ATG9A: variants seen among roughly 807,000 people sequenced by gnomAD.
ATG9A encodes autophagy-related protein 9A.
Under a neutral mutation model 87.1 loss-of-function variants are expected in ATG9A, and 21 were observed. The observed-to-expected ratio is 0.24, with a 90% CI of 0.17 to 0.35. The LOEUF is 0.35. Ranked by LOEUF, ATG9A falls within the 10% of genes least tolerant of loss-of-function variation. The pLI is 1.00. For missense variants in ATG9A, 836 were observed against 1,107.3 expected (o/e 0.76, Z 3.48); for synonymous variants, 422 against 441.3 (o/e 0.96, Z 0.55).
In ATG9A at chr2:219,223,289, C is replaced by T. The variant is rs573016817; in HGVS notation, c.1599+296G>A. On this transcript the variant is annotated intron_variant, in intron 10 of 15. Transcript: ENST00000361242. This position sits in a 1 kb window ranked among gnomAD's most constrained non-coding sequence, Gnocchi z 4.7. ...ATTTTTAGTAGAGAAGGGGTTTCACCGTGTTAGCCAGGATGGTCTCGATCT... is the reference window on the plus strand; with the variant it reads ...ATTTTTAGTAGAGAAGGGGTTTCACTGTGTTAGCCAGGATGGTCTCGATCT... Among the ~76,000 whole-genome samples the T allele has an allele frequency of 1.1e-4, 16 of 152,132 alleles. No homozygotes were observed. Among genetic ancestry groups the T allele is most frequent in the Admixed American group, 7.2e-4 (11 of 15,290 alleles).
At chr2:219,225,660 G>A (rs1009116880) in intron 5 of ATG9A, 88 bp from the exon 6 acceptor site, 29 of 1,430,270 alleles carry the variant, frequency 2.0e-5, no homozygotes, top group Non-Finnish European at 2.3e-5. Flanking sequence ...GGAGGTGGCA[G>A]AACAAGACTG....
chr2:219,227,673 G>A, intron 4 of ATG9A, 97 bp downstream of exon 4: 5 of 1,410,736 alleles, frequency 3.5e-6, no homozygotes, highest in Non-Finnish European at 3.9e-6. Context: ...CCCGTTTCCA[G>A]GTATTAGAGT....
rs2106440593 is a variant in ATG9A at position 219,223,880 on chromosome 2, G to C, written c.1408C>G (p.Gln470Glu). 6.2e-7 allele frequency: 1 copy of C among 1,614,180 alleles called. No individual in the cohort carries two copies. Among genetic ancestry groups the C allele is most frequent in the East Asian group, 2.2e-5 (1 of 44,876 alleles). ...CCAACTCCACTCACTGCCTTGTACT[G>C]GAAGAGCTGGGCAAACTCGTCCCGG... ...QTRDEFAQLF[Q>E]YKAVFILEEL... is the part of the protein sequence containing the mutation. Residue 470 changes from glutamine to glutamate, a missense_variant, in exon 9 of 16, where the codon CAG becomes GAG. Gln to Glu is a conservative substitution (Grantham distance 29, BLOSUM62 2). This residue lies in a region of ATG9A where 512 missense variants were observed against 759.6 expected (regional missense o/e 0.67). Transcript: ENST00000361242. This position sits in a 1 kb window ranked among gnomAD's most constrained non-coding sequence, Gnocchi z 4.7.
intron 13 of ATG9A, 139 bp from the exon 14 acceptor site, chr2:219,221,441 G>T: frequency 1.3e-6 from 1 of 744,728 alleles, no homozygotes; most frequent in Non-Finnish European, 2.1e-6. Context: ...TATGTTAATA[G>T]TGTGTAATAT....
chr2:219,223,952 G>A lies in ATG9A; in HGVS notation c.1336C>T (p.His446Tyr). The change falls in exon 9 of 16, where the codon CAC becomes TAC. Residue 446 changes from histidine to tyrosine, a missense_variant. Transcript: ENST00000361242. The surrounding 1 kb of genome is among the most constrained non-coding windows in gnomAD (Gnocchi z 4.7). ...QLLRVILAHI[H>Y]YMPDHWQGNA... ...CCCTGCCAGTGGTCAGGCATGTAGT[G>A]GATGTGAGCGAGGATCACGCGGAGC... is the stretch of plus-strand genomic sequence containing the variant. 1 of 1,614,198 alleles carries A rather than the reference G, an allele frequency of 6.2e-7. No homozygotes were observed. Among genetic ancestry groups the A allele is most frequent in the Non-Finnish European group, 8.5e-7 (1 of 1,180,030 alleles).
At chr2:219,225,325 A>G in intron 6 of ATG9A, 86 bp downstream of exon 6, 2 of 1,592,344 alleles carry the variant, frequency 1.3e-6, no homozygotes, top group East Asian at 2.2e-5. Flanking sequence ...GTTCTGGAGT[A>G]TGAGTTGCTG....
chr2:219,225,150 C>A lies in ATG9A; in HGVS notation c.437G>T (p.Arg146Leu). ...AATGTTATAGATGAACTTGATAAGC[C>A]GGTGGATCCAGAAGACACCAGCAAT... Reference protein sequence around the residue: ...LVIAGVFWIHRLIKFIYNICC... With the variant: ...LVIAGVFWIHLLIKFIYNICC... The change falls in exon 7 of 16, where the codon CGG becomes CTG. Residue 146 changes from arginine (R) to leucine (L), a missense_variant. Around this residue, in one of 2 missense-constraint regions of ATG9A, gnomAD observed 512 missense variants for 759.6 expected, o/e 0.67. Transcript: ENST00000361242. 1 of 1,614,064 alleles carries A rather than the reference C, an allele frequency of 6.2e-7. No individual in the cohort carries two copies. Among genetic ancestry groups the A allele is most frequent in the Non-Finnish European group, 8.5e-7 (1 of 1,180,008 alleles).
In ATG9A at chr2:219,225,168, C is replaced by A. The variant is rs1950836283; in HGVS notation, c.419G>T (p.Gly140Val). Reference protein sequence around the residue: ...GSLITILVIAGVFWIHRLIKF... With the variant: ...GSLITILVIAVVFWIHRLIKF... Reference sequence around the variant, plus strand: ...GATAAGCCGGTGGATCCAGAAGACACCAGCAATGACCAGGATGGTGATAAG... The same window carrying A: ...GATAAGCCGGTGGATCCAGAAGACAACAGCAATGACCAGGATGGTGATAAG... The change falls in exon 7 of 16, where the codon GGT becomes GTT. Residue 140 changes from glycine (G) to valine (V), a missense_variant. Around this residue, in one of 2 missense-constraint regions of ATG9A, gnomAD observed 512 missense variants for 759.6 expected, o/e 0.67. Transcript: ENST00000361242. 1 of 1,614,128 alleles carries A rather than the reference C, an allele frequency of 6.2e-7. No individual in the cohort carries two copies. Among genetic ancestry groups the A allele is most frequent in the South Asian group, 1.1e-5 (1 of 91,080 alleles).
In ATG9A at chr2:219,222,166, C is replaced by T; in HGVS notation, c.2029G>A (p.Val677Met). 1 of 1,613,822 alleles carries T rather than the reference C, an allele frequency of 6.2e-7. No individual in the cohort carries two copies. The highest frequency in any genetic ancestry group is 8.5e-7 in the Non-Finnish European group (1 of 1,179,926). Residue 677 changes from valine (V) to methionine (M), a missense_variant and splice_region_variant, in exon 13 of 16, where the codon GTG becomes ATG. Physicochemically the swap from Val to Met is conservative, Grantham distance 21. Transcript: ENST00000361242. This position sits in a 1 kb window ranked among gnomAD's most constrained non-coding sequence, Gnocchi z 4.3. Reference protein sequence around the residue: ...RAHSTMTGSGVDARTASSGSS... With the variant: ...RAHSTMTGSGMDARTASSGSS... ...CCGGAGCTGGCTGTCCTGGCATCCA[C>T]CCTGTCTCTCCCAACAGAGACAGAC...
rs1234444604 is a variant in ATG9A, at chr2:219,225,504, G to A, written c.281C>T (p.Ala94Val). The A allele has an allele frequency of 6.2e-7, 1 of 1,614,052 alleles. No individual in the cohort carries two copies. The highest frequency in any genetic ancestry group is 1.3e-5 in the African/African-American group (1 of 74,924). The stretch of plus-strand genomic sequence containing the variant: ...AAGACTGTGGTTCACCATCTTGTTG[G>A]CAAATAGGATGTCATAGTCCACGCA... ...VSCVDYDILFANKMVNHSLHP... is the reference protein window; with the variant it reads ...VSCVDYDILFVNKMVNHSLHP... Residue 94 changes from alanine to valine, a missense_variant, in exon 6 of 16, where the codon GCC becomes GTC. This residue lies in a region of ATG9A where 512 missense variants were observed against 759.6 expected (regional missense o/e 0.67). Transcript: ENST00000361242.
Position 219,222,666 on chromosome 2 carries a change from C to A in ATG9A, c.1827G>T (p.Gln609His). Reference protein sequence around the residue: ...LPENALFTSIQSLQSESEPLS... With the variant: ...LPENALFTSIHSLQSESEPLS... Reference sequence around the variant, plus strand: ...ACACCTCAGACTCAGATTGTAAGGACTGGATAGACGTAAAGAGGGCATTTT... The same window carrying A: ...ACACCTCAGACTCAGATTGTAAGGAATGGATAGACGTAAAGAGGGCATTTT... The change falls in exon 11 of 16, where the codon CAG (glutamine) becomes CAT (histidine). Residue 609 changes from glutamine to histidine, a missense_variant. This residue lies in a region of ATG9A where 324 missense variants were observed against 347.6 expected (regional missense o/e 0.93). Transcript: ENST00000361242. The surrounding 1 kb of genome is among the most constrained non-coding windows in gnomAD (Gnocchi z 4.3). 2 of 1,614,196 alleles carry A rather than the reference C, an allele frequency of 1.2e-6. No homozygotes were observed. The highest frequency in any genetic ancestry group is 1.1e-5 in the South Asian group (1 of 91,080).
rs184057259 is a variant in ATG9A at position 219,227,132 on chromosome 2, G to C, written c.148-199C>G. Among the ~76,000 whole-genome samples, 63 of 152,338 alleles carry C rather than the reference G, an allele frequency of 4.1e-4. 1 individual carries two copies. Among genetic ancestry groups the C allele is most frequent in the Non-Finnish European group, 6.0e-4 (41 of 68,032 alleles). ...TAACACTTGTCTCATAGGAGTATTAGGTCTAAGATAATGCATGTAAAGCAT... is the reference window on the plus strand; with the variant it reads ...TAACACTTGTCTCATAGGAGTATTACGTCTAAGATAATGCATGTAAAGCAT... On this transcript the variant is annotated intron_variant, in intron 4 of 15. Transcript: ENST00000361242.
rs547360316 is a variant in ATG9A at position 219,220,110 on chromosome 2, T to A, written c.*337A>T. The A allele has an allele frequency of 3.5e-5, 12 of 344,358 alleles. 2 individuals carry two copies. Among genetic ancestry groups the A allele is most frequent in the African/African-American group, 1.9e-4 (9 of 48,586 alleles). The allele number at this position is 344,358 out of a possible 1,614,324, so 21.3% of individuals were successfully genotyped here. The stretch of plus-strand genomic sequence containing the variant: ...CAGGTTCTCCCTGCTTGGCAGCTTC[T>A]ATCGTGGGCAGCCCTCTGGGGACTT... On this transcript the variant is annotated 3_prime_UTR_variant, in exon 16 of 16. Transcript: ENST00000361242.
At chr2:219,225,720 GC>G in intron 5 of ATG9A, 148 bp from the exon 6 acceptor site, 1 of 846,740 alleles carries the variant, frequency 1.2e-6, no homozygotes, top group Non-Finnish European at 1.8e-6. Flanking sequence ...CTGCTCCTCA[GC>G]CCCACAGGAC....
Position 219,223,039 on chromosome 2 carries a change from AC to A in ATG9A, c.1600-147del. 1 of 968,430 alleles carries A rather than the reference AC, an allele frequency of 1.0e-6. No individual in the cohort carries two copies. The highest frequency in any genetic ancestry group is 1.5e-6 in the Non-Finnish European group (1 of 671,770). 60.0% of individuals were successfully genotyped at this position (968,430 alleles called of 1,614,324 possible). A position where few individuals can be genotyped will look rare whatever the true frequency, so the allele number is the denominator to read the frequency against. ...TCCCAGGGCACTGGTGCCCCCCCAG[AC>A]CCAGGAGGGGCTGCACTGCATGCTG... is the stretch of plus-strand genomic sequence containing the variant. On this transcript the variant is annotated intron_variant, in intron 10 of 15. Coordinates refer to ENST00000361242, the MANE Select transcript of ATG9A (RefSeq NM_001077198.3). This position sits in a 1 kb window ranked among gnomAD's most constrained non-coding sequence, Gnocchi z 4.7.
chr2:219,222,737 G>A lies in ATG9A; in HGVS notation c.1756C>T (p.Arg586Trp), dbSNP rs760166835. ...GCGAGGCTAGCAGCTGCTCCATCCC[G>A]CTGAACCTGCTCCTTGAGGAAGCCT... ...FLGFLKEQVQ[R>W]DGAAASLAQG... Residue 586 changes from arginine (R) to tryptophan (W), a missense_variant, in exon 11 of 16, where the codon CGG becomes TGG. Arg to Trp is a moderately radical substitution (Grantham distance 101). Coordinates refer to ENST00000361242, the MANE Select transcript of ATG9A (RefSeq NM_001077198.3). This position sits in a 1 kb window ranked among gnomAD's most constrained non-coding sequence, Gnocchi z 4.3. The A allele has an allele frequency of 9.9e-6, 16 of 1,614,072 alleles. No individual in the cohort carries two copies. The highest frequency in any genetic ancestry group is 5.5e-5 in the South Asian group (5 of 91,096).
At chr2:219,221,982 G>T in intron 13 of ATG9A, 68 bp downstream of exon 13, 1 of 1,403,826 alleles carries the variant, frequency 7.1e-7, no homozygotes, top group Admixed American at 2.0e-5. Flanking sequence ...GGCAGAGAAG[G>T]GTTTGGAACC....
At position 219,223,937 on chromosome 2, in the gene ATG9A, G is replaced by A; in HGVS notation, c.1351C>T (p.His451Tyr). ...ILAHIHYMPD[H>Y]WQGNAHRSQT... is the part of the protein sequence containing the mutation. ...GAGCGGTGGGCATTACCCTGCCAGT[G>A]GTCAGGCATGTAGTGGATGTGAGCG... Residue 451 changes from histidine to tyrosine, a missense_variant, in exon 9 of 16, where the codon CAC becomes TAC. This residue lies in a region of ATG9A where 512 missense variants were observed against 759.6 expected (regional missense o/e 0.67). Coordinates refer to ENST00000361242, the MANE Select transcript of ATG9A (RefSeq NM_001077198.3). This position sits in a 1 kb window ranked among gnomAD's most constrained non-coding sequence, Gnocchi z 4.7. 6.2e-7 allele frequency: 1 copy of A among 1,614,164 alleles called. No individual in the cohort carries two copies. Among genetic ancestry groups the A allele is most frequent in the Non-Finnish European group, 8.5e-7 (1 of 1,180,006 alleles).
chr2:219,225,353 T>C, intron 6 of ATG9A, 58 bp downstream of exon 6: 1 of 1,601,382 alleles, frequency 6.2e-7, no homozygotes, highest in South Asian at 1.1e-5. Flanking sequence ...CTCCACTCTA[T>C]TACCCACCTG....
Sources: gnomAD v4.1 joint callset for allele counts (sites outside exome capture counted in the v4.1 genomes callset) on GRCh38, gnomAD v4.1.1 for gene constraint, gnomAD v4.1.1 regional missense constraint, Gnocchi (gnomAD v3.1) non-coding constraint, MANE v1.5 for transcripts, NCBI Gene and HGNC (gene_info 2026-07-23, HGNC 2026-07-21) for gene names.